TPST1: variants seen among roughly 807,000 people sequenced by gnomAD.
The protein encoded by TPST1 is protein-tyrosine sulfotransferase 1.
Under a neutral mutation model 34.8 loss-of-function variants are expected in TPST1, and 20 were observed. That is an observed-to-expected ratio of 0.57 (90% CI 0.40 to 0.84). The LOEUF (loss-of-function observed/expected upper bound fraction) is 0.84, where lower values mean the gene tolerates loss of function less well. Ranked by LOEUF, TPST1 falls within the 40% of genes least tolerant of loss-of-function variation. The probability of loss-of-function intolerance (pLI) is 0.00; values close to 1 mark genes in which losing one functional copy is unlikely to be tolerated. For missense variants in TPST1, 353 were observed against 455.5 expected, an observed-to-expected ratio of 0.78 and a Z score of 2.05; for synonymous variants, 152 against 159.4, an observed-to-expected ratio of 0.95 and a Z score of 0.35.
rs1432203475 is a variant in TPST1 at position 66,330,432 on chromosome 7, T to C, written c.1045-22073T>C. Reference sequence around the variant, plus strand: ...TTGTGTCCTGGCTCCTTTTAAACCATCTTTCCCTCAATTTCTCTGTCCTCT... The same window carrying C: ...TTGTGTCCTGGCTCCTTTTAAACCACCTTTCCCTCAATTTCTCTGTCCTCT... On this transcript the variant is annotated intron_variant, in intron 3 of 5. Transcript: ENST00000304842. 4.6e-5 allele frequency among the ~76,000 whole-genome samples: 7 copies of C among 152,336 alleles called. No homozygotes were observed. In the East Asian group the frequency reaches 1.2e-3, roughly 25 times the overall value.
At chr7:66,259,294 C>G (rs1336652648) in intron 2 of TPST1, among the ~76,000 whole-genome samples, 4 of 152,074 alleles carry the variant, frequency 2.6e-5, no homozygotes, top group Non-Finnish European at 5.9e-5. Flanking sequence ...TTCATTTCCT[C>G]TAAGTTGTTG....
At position 66,216,515 on chromosome 7, in the gene TPST1, G is replaced by C. The variant is rs373640863; in HGVS notation, c.-102+10993G>C. Among the ~76,000 whole-genome samples, 6 of 151,524 alleles carry C rather than the reference G, an allele frequency of 4.0e-5. No individual in the cohort carries two copies. The East Asian group carries it at 1.2e-3, about 29-fold the overall frequency. ...GACGGAGTCTTGCTCTGTCGCCCAG[G>C]CTGGAGTGTAGTGGCGCGATCTTGG... On this transcript the variant is annotated intron_variant, in intron 1 of 5. Transcript: ENST00000304842.
intron 3 of TPST1, among the ~76,000 whole-genome samples, chr7:66,347,508 G>A (rs1320346464): frequency 1.3e-5 from 2 of 152,040 alleles, no homozygotes; most frequent in African/African-American, 2.4e-5. Flanking sequence ...TATGTTTCTG[G>A]GTTATCTGTT....
At chr7:66,349,489 T>G (rs1792425590) in intron 3 of TPST1, among the ~76,000 whole-genome samples, 1 of 152,092 alleles carries the variant, frequency 6.6e-6, no homozygotes, top group Non-Finnish European at 1.5e-5. Flanking sequence ...GGAGAAGTGC[T>G]TGAACCTGGG....
intron 4 of TPST1, among the ~76,000 whole-genome samples, chr7:66,354,860 G>C (rs1437020902): frequency 6.6e-6 from 1 of 152,008 alleles, no homozygotes; most frequent in Non-Finnish European, 1.5e-5. Context: ...GCTGGGTGTG[G>C]TGCATGCCTG....
chr7:66,225,755 TAAATC>T (rs1223620725), intron 1 of TPST1, among the ~76,000 whole-genome samples: 1 of 152,256 alleles, frequency 6.6e-6, no homozygotes, highest in Non-Finnish European at 1.5e-5. Flanking sequence ...CTGTACTTCT[TAAATC>T]AAAGGACTAC....
At chr7:66,199,297 T>C in the TPST1 span, among the ~76,000 whole-genome samples, 5,357 of 146,880 alleles carry the variant, frequency 0.036, 160 homozygotes, top group East Asian at 0.088. Context: ...TCTCCTTCTT[T>C]TTTTTTTTTT....
intron 3 of TPST1, among the ~76,000 whole-genome samples, chr7:66,337,760 A>G (rs1200643304): frequency 2.0e-5 from 3 of 152,230 alleles, no homozygotes; most frequent in Non-Finnish European, 4.4e-5. Context: ...TTGCAAAGTT[A>G]AGTGATTATC....
At chr7:66,321,866 A>G (rs1791764669) in intron 3 of TPST1, among the ~76,000 whole-genome samples, 1 of 152,204 alleles carries the variant, frequency 6.6e-6, no homozygotes, top group South Asian at 2.1e-4. Flanking sequence ...GTCATTGACC[A>G]GTAGCCTATG....
intron 1 of TPST1, among the ~76,000 whole-genome samples, chr7:66,223,495 G>T (rs992725867): frequency 6.7e-6 from 1 of 150,116 alleles, no homozygotes; most frequent in African/African-American, 2.4e-5. Context: ...TACAAGTTTG[G>T]TAGAAAAATG....
intron 1 of TPST1, among the ~76,000 whole-genome samples, chr7:66,213,151 ACT>A (rs1486500753): frequency 1.3e-5 from 2 of 150,822 alleles, no homozygotes; most frequent in African/African-American, 2.4e-5. Flanking sequence ...TTTCAGTACC[ACT>A]CTCTGTCTCC....
chr7:66,341,301 CAG>C (rs1792232153), intron 3 of TPST1, among the ~76,000 whole-genome samples: 1 of 152,144 alleles, frequency 6.6e-6, no homozygotes, highest in African/African-American at 2.4e-5. Flanking sequence ...TTTTTTGAGA[CAG>C]AGTCTCGCTC....
intron 1 of TPST1, among the ~76,000 whole-genome samples, chr7:66,226,579 C>T (rs1378720402): frequency 6.6e-6 from 1 of 152,108 alleles, no homozygotes; most frequent in Non-Finnish European, 1.5e-5. Flanking sequence ...TTTTTGGTAT[C>T]CCTTACAAGG....
intron 2 of TPST1, among the ~76,000 whole-genome samples, chr7:66,286,278 T>C (rs1791031961): frequency 6.6e-6 from 1 of 152,210 alleles, no homozygotes. Context: ...TGCACATGTT[T>C]CAGCTAACCC....
At chr7:66,276,287 TAAAG>T (rs1252534137) in intron 2 of TPST1, among the ~76,000 whole-genome samples, 2 of 149,482 alleles carry the variant, frequency 1.3e-5, no homozygotes, top group Non-Finnish European at 3.0e-5. Context: ...TATTTTTCAT[TAAAG>T]ACTTTTTTTG....
At chr7:66,303,279 T>C (rs914687754) in intron 3 of TPST1, among the ~76,000 whole-genome samples, 1 of 151,604 alleles carries the variant, frequency 6.6e-6, no homozygotes, top group African/African-American at 2.4e-5. Context: ...AAAAAAAGAC[T>C]ATGCATCCCT....
chr7:66,231,145 C>T (rs1408237169), intron 1 of TPST1, among the ~76,000 whole-genome samples: 2 of 149,730 alleles, frequency 1.3e-5, no homozygotes, highest in African/African-American at 2.5e-5. Context: ...GATTGGTGCA[C>T]TCACAAACCC....
Position 66,232,564 on chromosome 7 carries a change from A to G in TPST1, c.-101-7761A>G, listed in dbSNP as rs12672978. On this transcript the variant is annotated intron_variant, in intron 1 of 5. Coordinates refer to ENST00000304842, the MANE Select transcript of TPST1 (RefSeq NM_003596.4). ...ATTTTTTTATGGGTTTCACCATGTT[A>G]GCCAGGATGGTCTCGATCTCCTGAC... Among the ~76,000 whole-genome samples the G allele has an allele frequency of 2.0e-5, 3 of 152,164 alleles. No individual in the cohort carries two copies. The East Asian group carries it at 5.8e-4, about 29-fold the overall frequency.
chr7:66,320,271 G>C (rs1180196545), intron 3 of TPST1, among the ~76,000 whole-genome samples: 1 of 129,202 alleles, frequency 7.7e-6, no homozygotes, highest in East Asian at 2.2e-4. Context: ...TTTTTGAGAC[G>C]GAGTCTTGCT....
Sources: gnomAD v4.1 joint callset for allele counts (sites outside exome capture counted in the v4.1 genomes callset) on GRCh38, gnomAD v4.1.1 for gene constraint, MANE v1.5 for transcripts, NCBI Gene and HGNC (gene_info 2026-07-23, HGNC 2026-07-21) for gene names.